GPM6A: variants seen among roughly 807,000 people sequenced by gnomAD.
GPM6A encodes the protein neuronal membrane glycoprotein M6-a.
In GPM6A, 7 loss-of-function variants were observed where a neutral mutation model predicts 32.1. The ratio of observed to expected loss-of-function variants is 0.22; its 90% CI spans 0.12 to 0.41. The LOEUF (loss-of-function observed/expected upper bound fraction) is 0.41, where lower values mean the gene tolerates loss of function less well. Ranked by LOEUF, GPM6A falls within the 10% of genes least tolerant of loss-of-function variation. The pLI is 1.00. For missense variants in GPM6A, 235 were observed against 347.2 expected (o/e 0.68, Z 2.57); for synonymous variants, 130 against 123.4 (o/e 1.05, Z -0.35).
At chr4:175,838,886 C>T (rs1447749400) in intron 1 of GPM6A, among the ~76,000 whole-genome samples, 2 of 151,906 alleles carry the variant, frequency 1.3e-5, no homozygotes, top group Non-Finnish European at 2.9e-5. Flanking sequence ...AATTCCTGAC[C>T]TCAGGTGATC....
At chr4:175,820,503 T>TC (rs1191945003) in intron 1 of GPM6A, among the ~76,000 whole-genome samples, 17 of 141,314 alleles carry the variant, frequency 1.2e-4, no homozygotes, top group South Asian at 4.6e-4. Flanking sequence ...TTTCTTTCTT[T>TC]TTTTTTTTTT....
At chr4:175,712,655 G>C (rs963581170) in intron 1 of GPM6A, among the ~76,000 whole-genome samples, 4 of 152,174 alleles carry the variant, frequency 2.6e-5, no homozygotes, top group African/African-American at 9.6e-5. Flanking sequence ...AGAAATAAGA[G>C]AACAATTAAA....
At chr4:175,705,309 C>T (rs1171495184) in intron 1 of GPM6A, among the ~76,000 whole-genome samples, 2 of 152,170 alleles carry the variant, frequency 1.3e-5, no homozygotes, top group Non-Finnish European at 2.9e-5. Context: ...ATGGCAAATA[C>T]AAATTCCTCT....
At chr4:175,701,001 T>G (rs1370449623) in intron 2 of GPM6A, among the ~76,000 whole-genome samples, 1 of 152,208 alleles carries the variant, frequency 6.6e-6, no homozygotes. Flanking sequence ...TCTTAGGAGT[T>G]TTACATTTTA....
In GPM6A at chr4:175,636,524, G is replaced by A. The variant is rs1453497580; in HGVS notation, c.685-1467C>T. The stretch of plus-strand genomic sequence containing the variant: ...AATATGTATAATTGAGGCCAGGTGC[G>A]GTGGCTCACGCCTGTAATCCCAGCA... On this transcript the variant is annotated intron_variant, in intron 6 of 6. Coordinates refer to ENST00000393658, the MANE Select transcript of GPM6A (RefSeq NM_201591.3). 4.6e-5 allele frequency among the ~76,000 whole-genome samples: 7 copies of A among 150,596 alleles called. No homozygotes were observed. The South Asian group carries it at 8.4e-4, about 18-fold the overall frequency.
At chr4:175,656,173 A>G (rs17061761) in intron 3 of GPM6A, among the ~76,000 whole-genome samples, 7,536 of 152,060 alleles carry the variant, frequency 0.05, 212 homozygotes, top group Non-Finnish European at 0.061. Flanking sequence ...TTGACCCACA[A>G]AAAAAAATTC....
At chr4:175,902,601 A>G (rs916182238) in intron 1 of GPM6A, among the ~76,000 whole-genome samples, 3 of 152,138 alleles carry the variant, frequency 2.0e-5, no homozygotes, top group South Asian at 2.1e-4. Context: ...TGGGGTGGCC[A>G]GATTCTTCCT....
chr4:175,851,113 C>T (rs1736239669), intron 1 of GPM6A, among the ~76,000 whole-genome samples: 1 of 152,088 alleles, frequency 6.6e-6, no homozygotes, highest in Admixed American at 6.6e-5. Flanking sequence ...AATCCCAGCA[C>T]TTTGGGGGAC....
chr4:175,756,088 A>T (rs1001466498), intron 1 of GPM6A, among the ~76,000 whole-genome samples: 11 of 152,130 alleles, frequency 7.2e-5, no homozygotes, highest in Admixed American at 2.6e-4. Flanking sequence ...ATGTGTTAGG[A>T]ATTTCAAGTT....
intron 1 of GPM6A, among the ~76,000 whole-genome samples, chr4:175,873,422 T>A (rs1736975155): frequency 6.6e-6 from 1 of 152,128 alleles, no homozygotes; most frequent in South Asian, 2.1e-4. Flanking sequence ...CAAGTGCAGA[T>A]GTTCACACTT....
intron 3 of GPM6A, among the ~76,000 whole-genome samples, chr4:175,656,066 T>C (rs559367802): frequency 2.0e-5 from 3 of 152,220 alleles, no homozygotes; most frequent in South Asian, 2.1e-4. Flanking sequence ...AGATAAGTTC[T>C]GTAGAAATTA....
At chr4:175,838,620 G>A (rs1359511214) in intron 1 of GPM6A, among the ~76,000 whole-genome samples, 1 of 147,010 alleles carries the variant, frequency 6.8e-6, no homozygotes, top group Non-Finnish European at 1.5e-5. Flanking sequence ...TGTGAACAAA[G>A]GATATGGTGG....
intron 1 of GPM6A, among the ~76,000 whole-genome samples, chr4:175,845,772 G>A (rs1579562347): frequency 6.6e-6 from 1 of 151,966 alleles, no homozygotes; most frequent in Admixed American, 6.6e-5. Flanking sequence ...TAATTCAAGA[G>A]CTCTCCTTTT....
intron 6 of GPM6A, among the ~76,000 whole-genome samples, chr4:175,637,824 T>C (rs1174040533): frequency 8.5e-6 from 1 of 117,564 alleles, no homozygotes; most frequent in South Asian, 2.3e-4. Context: ...ATATATTATA[T>C]ATAAAAATAT....
At chr4:175,793,375 T>C (rs1734087157) in intron 1 of GPM6A, among the ~76,000 whole-genome samples, 1 of 151,798 alleles carries the variant, frequency 6.6e-6, no homozygotes, top group African/African-American at 2.4e-5. Context: ...TATTTATTTA[T>C]TTATTTATTT....
intron 1 of GPM6A, among the ~76,000 whole-genome samples, chr4:175,869,835 T>C (rs1415482043): frequency 6.6e-6 from 1 of 152,148 alleles, no homozygotes; most frequent in African/African-American, 2.4e-5. Context: ...TTCTAAACAA[T>C]TCACAAGTTC....
intron 1 of GPM6A, among the ~76,000 whole-genome samples, chr4:175,989,406 C>T (rs73873543): frequency 0.13 from 19,079 of 151,816 alleles, 1,281 homozygotes; most frequent in East Asian, 0.24. Flanking sequence ...TGGAAGAGAG[C>T]CCCAGAATTA....
At chr4:175,992,060 G>GCATGCA (rs1554007514) in intron 1 of GPM6A, among the ~76,000 whole-genome samples, 8 of 137,146 alleles carry the variant, frequency 5.8e-5, no homozygotes, top group East Asian at 4.5e-4. Flanking sequence ...AAACACACAT[G>GCATGCA]CACACACACA....
At chr4:175,988,097 G>T (rs533174854) in intron 1 of GPM6A, among the ~76,000 whole-genome samples, 1 of 152,134 alleles carries the variant, frequency 6.6e-6, no homozygotes, top group East Asian at 1.9e-4. Context: ...AACAACCATA[G>T]CTATCTCCTC....
Sources: gnomAD v4.1 joint callset for allele counts (sites outside exome capture counted in the v4.1 genomes callset) on GRCh38, gnomAD v4.1.1 for gene constraint, MANE v1.5 for transcripts, NCBI Gene and HGNC (gene_info 2026-07-23, HGNC 2026-07-21) for gene names.